COMMD6: variants seen among roughly 807,000 people sequenced by gnomAD.
COMMD6 encodes COMM domain-containing protein 6.
A neutral mutation model predicts 13.4 loss-of-function variants in COMMD6; 11 were observed. That is an observed-to-expected ratio of 0.82 (90% CI 0.52 to 1.36). COMMD6 has a LOEUF of 1.36. Ranked by LOEUF, COMMD6 falls within the 40% of genes most tolerant of loss-of-function variation. The probability of loss-of-function intolerance (pLI) is 0.00; values close to 1 mark genes in which losing one functional copy is unlikely to be tolerated. For missense variants in COMMD6, 124 were observed against 102.4 expected (o/e 1.21, Z -0.91); for synonymous variants, 43 against 36.5 (o/e 1.18, Z -0.64).
At chr13:75,545,945 T>C (rs1235067633) in intron 1 of COMMD6, among the ~76,000 whole-genome samples, 1 of 152,230 alleles carries the variant, frequency 6.6e-6, no homozygotes, top group African/African-American at 2.4e-5. Flanking sequence ...AGGGTGACTA[T>C]AGTCAATAAT....
chr13:75,534,649 T>C (rs1247537155), intron 2 of COMMD6, among the ~76,000 whole-genome samples: 1 of 151,582 alleles, frequency 6.6e-6, no homozygotes, highest in Non-Finnish European at 1.5e-5. Context: ...AAGGAAAACA[T>C]ACAAAGAAAC....
At chr13:75,535,711 C>A (rs1453242156) in intron 2 of COMMD6, among the ~76,000 whole-genome samples, 1 of 152,198 alleles carries the variant, frequency 6.6e-6, no homozygotes, top group African/African-American at 2.4e-5. Context: ...GCTTCTCTGA[C>A]AGATCCAAGA....
intron 1 of COMMD6, among the ~76,000 whole-genome samples, chr13:75,544,791 C>G (rs1376964842): frequency 3.3e-5 from 5 of 150,298 alleles, no homozygotes; most frequent in Non-Finnish European, 1.5e-5. Flanking sequence ...AAATAAAATA[C>G]AAAAAATTTG....
At chr13:75,526,665 T>C in intron 3 of COMMD6, 26 bp from the exon 4 acceptor site, 4 of 1,531,164 alleles carry the variant, frequency 2.6e-6, no homozygotes, top group African/African-American at 1.4e-5. Context: ...GAAAATAATA[T>C]TAATTTTGCT....
intron 3 of COMMD6, 59 bp downstream of exon 3, chr13:75,530,055 C>A (rs2030414678): frequency 1.5e-6 from 2 of 1,370,896 alleles, no homozygotes; most frequent in African/African-American, 2.9e-5. Flanking sequence ...TTTTATACAT[C>A]TTTTTATGCA....
At chr13:75,544,926 CA>C (rs10708731) in intron 1 of COMMD6, among the ~76,000 whole-genome samples, 44,898 of 104,380 alleles carry the variant, frequency 0.43, 8,208 homozygotes, top group African/African-American at 0.59. Flanking sequence ...ACTCTGTCTC[CA>C]AAAAAAAAAA....
At chr13:75,544,902 G>A (rs1200965965) in intron 1 of COMMD6, among the ~76,000 whole-genome samples, 2 of 130,746 alleles carry the variant, frequency 1.5e-5, no homozygotes, top group Non-Finnish European at 3.2e-5. Context: ...CTCCAGCCTG[G>A]GCGACCAAGC....
chr13:75,530,503 A>C, intron 2 of COMMD6: 1 of 308,314 alleles, frequency 3.2e-6, no homozygotes, highest in East Asian at 5.4e-5. Context: ...AAAAAACAAA[A>C]AGTGAAAAAA....
rs115863432 is a variant in COMMD6, at chr13:75,536,629, G to A, written c.54+1035C>T. ...GGAATGATGTGCTTTGAAGATGGAA[G>A]CAGAGGCCACAAGCTAAGGAGGAAA... On this transcript the variant is annotated intron_variant, in intron 2 of 3. Coordinates refer to ENST00000682242, the MANE Select transcript of COMMD6 (RefSeq NM_203495.4). Among the ~76,000 whole-genome samples, 885 of 152,270 alleles carry A rather than the reference G, an allele frequency of 5.8e-3. 8 individuals carry two copies. The highest frequency in any genetic ancestry group is 0.02 in the African/African-American group (846 of 41,548).
chr13:75,535,353 G>A (rs960282121), intron 2 of COMMD6, among the ~76,000 whole-genome samples: 18 of 152,294 alleles, frequency 1.2e-4, no homozygotes, highest in Middle Eastern at 3.4e-3. Context: ...TCTGAGTAGC[G>A]GAGATACCTG....
chr13:75,532,349 AGTTAAGGGAAAGCTTTACAGAAG>A (rs1340868766), intron 2 of COMMD6, among the ~76,000 whole-genome samples: 6 of 152,212 alleles, frequency 3.9e-5, no homozygotes, highest in Non-Finnish European at 8.8e-5. Flanking sequence ...TAGCCTAGGG[AGTTAAGGGAAAGCTTTACAGAAG>A]GCTTTAAGCT....
intron 3 of COMMD6, chr13:75,527,881 A>G: frequency 6.7e-7 from 1 of 1,500,142 alleles, no homozygotes; most frequent in South Asian, 1.4e-5. Context: ...TGTTAGTAAA[A>G]AGGTACAAAC....
chr13:75,540,344 CCACACACACACACACACACACA>C (rs59520333), upstream of COMMD6, among the ~76,000 whole-genome samples: 2 of 147,276 alleles, frequency 1.4e-5, no homozygotes, highest in South Asian at 4.3e-4. Context: ...ACACACACAC[CCACACACACACACACACACACA>C]CACACAGACA....
upstream of COMMD6, among the ~76,000 whole-genome samples, chr13:75,540,199 G>A (rs961390344): frequency 4.6e-5 from 7 of 152,008 alleles, no homozygotes; most frequent in Non-Finnish European, 8.8e-5. Context: ...TCGAACTCCT[G>A]AGCTCAGGCA....
chr13:75,530,024 T>TA (rs1453905906), intron 3 of COMMD6, 90 bp downstream of exon 3: 3 of 1,041,978 alleles, frequency 2.9e-6, no homozygotes, highest in Non-Finnish European at 4.3e-6. Flanking sequence ...TAAAAACCAT[T>TA]AAAGTTTTCC....
intron 2 of COMMD6, among the ~76,000 whole-genome samples, chr13:75,532,174 G>A (rs998071328): frequency 8.5e-5 from 13 of 152,170 alleles, no homozygotes; most frequent in Admixed American, 6.5e-5. Context: ...GGCTTCTGGG[G>A]GACTGGTAAC....
chr13:75,532,923 TTTTTG>T (rs1387900050), intron 2 of COMMD6, among the ~76,000 whole-genome samples: 2 of 151,444 alleles, frequency 1.3e-5, no homozygotes, highest in African/African-American at 2.4e-5. Flanking sequence ...TCACTGAAAG[TTTTTG>T]TTTTGTTTTT....
chr13:75,530,191 C>A lies in COMMD6; in HGVS notation c.130G>T (p.Ala44Ser). 1 of 1,613,480 alleles carries A rather than the reference C, an allele frequency of 6.2e-7. No individual in the cohort carries two copies. Among genetic ancestry groups the A allele is most frequent in the Non-Finnish European group, 8.5e-7 (1 of 1,179,454 alleles). The stretch of plus-strand genomic sequence containing the variant: ...TGATCTGCCACTTTTAGCATCACTG[C>A]AACGTAAGGATACTTAAGAGATCTG... Reference protein sequence around the residue: ...TCRSLKYPYVAVMLKVADHSG... With the variant: ...TCRSLKYPYVSVMLKVADHSG... Residue 44 changes from alanine (A) to serine (S), a missense_variant, in exon 3 of 4, where the codon GCA becomes TCA. By Grantham distance (99) the Ala-to-Ser change is moderately conservative. Transcript: ENST00000682242.
At chr13:75,538,486 A>AT (rs1286951471), upstream of COMMD6, among the ~76,000 whole-genome samples, 3 of 152,324 alleles carry the variant, frequency 2.0e-5, no homozygotes, top group African/African-American at 7.2e-5. Flanking sequence ...AAATAATTCA[A>AT]TGAACACCTG....
Sources: gnomAD v4.1 joint callset for allele counts (sites outside exome capture counted in the v4.1 genomes callset) on GRCh38, gnomAD v4.1.1 for gene constraint, MANE v1.5 for transcripts, NCBI Gene and HGNC (gene_info 2026-07-23, HGNC 2026-07-21) for gene names.